Variants in CLASP1 observed in about 807,000 individuals in gnomAD.
The protein encoded by CLASP1 is cytoplasmic linker associated protein 1.
CLASP1 carries 38 observed loss-of-function variants against 192.3 expected under a neutral mutation model. The observed-to-expected ratio is 0.20, with a 90% confidence interval of 0.15 to 0.26. The LOEUF is 0.26. Ranked by LOEUF, CLASP1 falls within the 10% of genes least tolerant of loss-of-function variation. The pLI, the probability that CLASP1 is intolerant of heterozygous loss-of-function variation, is 1.00. For synonymous variants in CLASP1, 691 were observed against 712.8 expected, an observed-to-expected ratio of 0.97 and a Z score of 0.49; for missense variants, 1,433 against 1,932.5, an observed-to-expected ratio of 0.74 and a Z score of 4.85.
intron 8 of CLASP1, among the ~76,000 whole-genome samples, chr2:121,478,641 ACACCCCC>A: frequency 1.0e-5 from 1 of 96,870 alleles, no homozygotes; most frequent in Non-Finnish European, 2.0e-5. Context: ...ACACACACAC[ACACCCCC>A]CACACACACA....
chr2:121,499,053 C>T (rs1416257581), intron 8 of CLASP1, among the ~76,000 whole-genome samples: 1 of 152,152 alleles, frequency 6.6e-6, no homozygotes, highest in African/African-American at 2.4e-5. Flanking sequence ...AAGGTACAAC[C>T]CAGCAATTCT....
At chr2:121,493,541 TA>T (rs1481744712) in intron 8 of CLASP1, among the ~76,000 whole-genome samples, 1 of 152,068 alleles carries the variant, frequency 6.6e-6, no homozygotes, top group African/African-American at 2.4e-5. Flanking sequence ...ACTATAAAAC[TA>T]CTAAAAGAAA....
At chr2:121,617,794 C>T (rs1394932202) in intron 1 of CLASP1, among the ~76,000 whole-genome samples, 3 of 152,164 alleles carry the variant, frequency 2.0e-5, no homozygotes, top group African/African-American at 7.2e-5. Flanking sequence ...TGTCCCCTCA[C>T]ACTGCTCACT....
At position 121,545,386 on chromosome 2, in the gene CLASP1, C is replaced by T. The variant is rs144019055; in HGVS notation, c.196-15061G>A. On this transcript the variant is annotated intron_variant, in intron 2 of 39. Coordinates refer to ENST00000263710, the Ensembl canonical transcript of CLASP1. ...TTTAATCACGGGGGTGGGGCGGGCA[C>T]GGAGCAGACATTTGCTTGAATCATG... is the stretch of plus-strand genomic sequence containing the variant. Among the ~76,000 whole-genome samples, 1,015 of 152,006 alleles carry T rather than the reference C, an allele frequency of 6.7e-3. 9 individuals carry two copies. The highest frequency in any genetic ancestry group is 0.024 in the Middle Eastern group (7 of 294).
At chr2:121,551,330 A>C (rs1362980053) in intron 2 of CLASP1, among the ~76,000 whole-genome samples, 1 of 152,214 alleles carries the variant, frequency 6.6e-6, no homozygotes, top group East Asian at 1.9e-4. Context: ...TATTCAACAT[A>C]GTATTGGAAG....
chr2:121,354,949 C>T (rs926568299), intron 37 of CLASP1, among the ~76,000 whole-genome samples: 11 of 152,132 alleles, frequency 7.2e-5, no homozygotes, highest in Non-Finnish European at 1.0e-4. Flanking sequence ...GGTGAGAACT[C>T]GTGGTTTTCC....
At position 121,577,074 on chromosome 2, in the gene CLASP1, G is replaced by A. The variant is rs537583934; in HGVS notation, c.195+28627C>T. Among the ~76,000 whole-genome samples, 57 of 152,274 alleles carry A rather than the reference G, an allele frequency of 3.7e-4. No individual in the cohort carries two copies. In the South Asian group the frequency reaches 9.5e-3, roughly 25 times the overall value. The stretch of plus-strand genomic sequence containing the variant: ...ATTTATAGGTAAAATGATAGGACAC[G>A]TGGAATGTGCTTTAAAATTCTCCAG... On this transcript the variant is annotated intron_variant, in intron 2 of 39. Transcript: ENST00000263710.
At chr2:121,452,621 T>A (rs1037088632) in intron 14 of CLASP1, among the ~76,000 whole-genome samples, 2 of 152,020 alleles carry the variant, frequency 1.3e-5, no homozygotes, top group African/African-American at 4.8e-5. Context: ...TGAAACCCCA[T>A]CTCTACTAAA....
rs562501144 is a variant in CLASP1 at position 121,623,022 on chromosome 2, G to A, written c.-285-16842C>T. The stretch of plus-strand genomic sequence containing the variant: ...GTGGATCACGTAAGCTCAGGAGTTC[G>A]AGACCAGCCTGGGCAACATAGTAAA... On this transcript the variant is annotated intron_variant, in intron 1 of 39. Coordinates refer to ENST00000263710, the Ensembl canonical transcript of CLASP1. 7.9e-5 allele frequency among the ~76,000 whole-genome samples: 12 copies of A among 152,084 alleles called. No homozygotes were observed. The South Asian group carries it at 2.3e-3, about 29-fold the overall frequency.
intron 1 of CLASP1, among the ~76,000 whole-genome samples, chr2:121,647,569 T>C (rs1488375671): frequency 2.6e-5 from 4 of 152,144 alleles, no homozygotes; most frequent in African/African-American, 9.7e-5. Flanking sequence ...CACTAGTTAC[T>C]TAAGCATAAT....
At chr2:121,436,005 C>T (rs1420561098) in intron 19 of CLASP1, among the ~76,000 whole-genome samples, 3 of 151,496 alleles carry the variant, frequency 2.0e-5, no homozygotes, top group African/African-American at 7.3e-5. Context: ...CTAGTGGCTT[C>T]TGTGCCTTTC....
chr2:121,349,132 CG>C (rs1463297742), intron 37 of CLASP1, among the ~76,000 whole-genome samples: 1 of 151,572 alleles, frequency 6.6e-6, no homozygotes, highest in African/African-American at 2.4e-5. Flanking sequence ...CCCAGCTACT[CG>C]GGAGGCTGAG....
chr2:121,403,032 A>T (rs905638353), intron 26 of CLASP1, among the ~76,000 whole-genome samples: 1 of 152,160 alleles, frequency 6.6e-6, no homozygotes, highest in South Asian at 2.1e-4. Context: ...GGGTTTTGCC[A>T]TGTTGGCCAG....
intron 6 of CLASP1, among the ~76,000 whole-genome samples, chr2:121,524,364 A>G (rs1314037126): frequency 2.6e-5 from 4 of 152,258 alleles, no homozygotes; most frequent in Non-Finnish European, 5.9e-5. Context: ...CTTTTTAAAA[A>G]ATAGTACAAT....
intron 19 of CLASP1, among the ~76,000 whole-genome samples, chr2:121,436,896 T>G (rs1476132645): frequency 6.6e-6 from 1 of 152,232 alleles, no homozygotes; most frequent in East Asian, 1.9e-4. Flanking sequence ...AAGTTCTTCC[T>G]AGCTTTCTTA....
intron 25 of CLASP1, among the ~76,000 whole-genome samples, chr2:121,405,398 G>A (rs1318933392): frequency 3.3e-5 from 5 of 152,178 alleles, no homozygotes; most frequent in Admixed American, 6.5e-5. Context: ...ACCATGTCAC[G>A]TGGCTGCTGA....
In CLASP1 at chr2:121,531,188, A is replaced by G. The variant is rs372349809; in HGVS notation, c.196-863T>C. Among the ~76,000 whole-genome samples, 105 of 152,214 alleles carry G rather than the reference A, an allele frequency of 6.9e-4. No individual in the cohort carries two copies. The South Asian group carries it at 0.021, about 30-fold the overall frequency. Reference sequence around the variant, plus strand: ...GATTTCAACAGAACTTCACCCCTTTAACTTTACGCCGATCATCAACTGTTC... The same window carrying G: ...GATTTCAACAGAACTTCACCCCTTTGACTTTACGCCGATCATCAACTGTTC... On this transcript the variant is annotated intron_variant, in intron 2 of 39. Coordinates refer to ENST00000263710, the Ensembl canonical transcript of CLASP1.
rs368171857 is a variant in CLASP1, at chr2:121,505,677, C to T, written c.645-2443G>A. On this transcript the variant is annotated intron_variant, in intron 7 of 39. Transcript: ENST00000263710. ...CATAACTAATGATTACCCTCTGAGG[C>T]CACTAAATTGTTTTATTTTAAATCT... Among the ~76,000 whole-genome samples, 4 of 152,220 alleles carry T rather than the reference C, an allele frequency of 2.6e-5. No homozygotes were observed. In the East Asian group the frequency reaches 7.7e-4, roughly 29 times the overall value.
chr2:121,480,905 G>A (rs938769369), intron 8 of CLASP1, among the ~76,000 whole-genome samples: 1 of 152,240 alleles, frequency 6.6e-6, no homozygotes, highest in Non-Finnish European at 1.5e-5. Context: ...GCCTGCCTAA[G>A]AGAGAGGCAA....
Sources: gnomAD v4.1 joint callset for allele counts (sites outside exome capture counted in the v4.1 genomes callset) on GRCh38, gnomAD v4.1.1 for gene constraint, MANE v1.5 for transcripts, NCBI Gene and HGNC (gene_info 2026-07-23, HGNC 2026-07-21) for gene names.